Variants in NPAS3 observed in about 807,000 individuals in gnomAD.
NPAS3 encodes neuronal PAS domain protein 3, also known as neuronal PAS domain-containing protein 3.
NPAS3 carries 14 observed loss-of-function variants against 73.1 expected under a neutral mutation model. The observed-to-expected ratio is 0.19, with a 90% CI of 0.13 to 0.30. The LOEUF (loss-of-function observed/expected upper bound fraction) is 0.30. Among genes scored for constraint, NPAS3 ranks in the 10% least tolerant of loss-of-function variants. The probability of loss-of-function intolerance (pLI) is 1.00; values close to 1 mark genes in which losing one functional copy is unlikely to be tolerated. For synonymous variants in NPAS3, 620 were observed against 541.5 expected, an observed-to-expected ratio of 1.14 and a Z score of -2.01; for missense variants, 1,096 against 1,250.0, an observed-to-expected ratio of 0.88 and a Z score of 1.86.
At chr14:33,450,751 C>T (rs2049754591) in intron 4 of NPAS3, among the ~76,000 whole-genome samples, 1 of 152,224 alleles carries the variant, frequency 6.6e-6, no homozygotes, top group East Asian at 1.9e-4. Context: ...ATTTTAATTG[C>T]TGTTGGTTTT....
At chr14:33,167,688 T>G (rs965120218) in intron 2 of NPAS3, among the ~76,000 whole-genome samples, 7 of 152,238 alleles carry the variant, frequency 4.6e-5, no homozygotes, top group Admixed American at 1.3e-4. Context: ...GTGAGCAATA[T>G]GTTAAGAAAC....
At chr14:33,016,991 A>G (rs1341559090) in intron 1 of NPAS3, among the ~76,000 whole-genome samples, 1 of 152,186 alleles carries the variant, frequency 6.6e-6, no homozygotes, top group Admixed American at 6.5e-5. Flanking sequence ...TCAAATTAGA[A>G]AGGGCAGCAC....
intron 3 of NPAS3, among the ~76,000 whole-genome samples, chr14:33,237,399 A>T (rs2048070918): frequency 6.6e-6 from 1 of 152,116 alleles, no homozygotes; most frequent in Non-Finnish European, 1.5e-5. Flanking sequence ...TTCTTGACTG[A>T]ATAATGATGT....
At chr14:33,133,972 A>C (rs1228941658) in intron 2 of NPAS3, among the ~76,000 whole-genome samples, 1 of 152,174 alleles carries the variant, frequency 6.6e-6, no homozygotes, top group East Asian at 1.9e-4. Context: ...CTTCAAATAG[A>C]AAAATTAAAG....
intron 11 of NPAS3, 102 bp from the exon 12 acceptor site, chr14:33,799,632 C>T: frequency 4.1e-6 from 5 of 1,231,130 alleles, no homozygotes; most frequent in East Asian, 2.5e-5. Context: ...CTGCTCCCCG[C>T]CCCAGCCCCT....
At position 33,308,553 on chromosome 14, in the gene NPAS3, C is replaced by CACAT. The variant is rs1555371875; in HGVS notation, c.386-58624_386-58621dup. On this transcript the variant is annotated intron_variant, in intron 3 of 11. Coordinates refer to ENST00000356141, the Ensembl canonical transcript of NPAS3. ...ACATACACACACACACACACACACA[C>CACAT]ACATACATACATTATATATATGTAT... Among the ~76,000 whole-genome samples, 41 of 113,706 alleles carry CACAT rather than the reference C, an allele frequency of 3.6e-4. No individual in the cohort carries two copies. In the East Asian group the frequency reaches 5.3e-3, roughly 15 times the overall value. The allele number at this position is 113,706 out of a possible 152,430, so 74.6% of individuals were successfully genotyped here.
chr14:33,195,709 C>T (rs948080933), intron 2 of NPAS3, among the ~76,000 whole-genome samples: 1 of 152,188 alleles, frequency 6.6e-6, no homozygotes, highest in Non-Finnish European at 1.5e-5. Flanking sequence ...TCTAGGCTTT[C>T]CTTTCAAAGC....
chr14:33,449,135 A>T (rs2049666189), intron 4 of NPAS3, among the ~76,000 whole-genome samples: 3 of 152,314 alleles, frequency 2.0e-5, no homozygotes, highest in South Asian at 4.1e-4. Flanking sequence ...GTCCACCGAA[A>T]AGAGACTGCA....
At chr14:32,975,152 T>G (rs1420157390) in intron 1 of NPAS3, among the ~76,000 whole-genome samples, 1 of 152,232 alleles carries the variant, frequency 6.6e-6, no homozygotes, top group African/African-American at 2.4e-5. Context: ...GATGGATATC[T>G]GAATAGAGAA....
intron 7 of NPAS3, among the ~76,000 whole-genome samples, chr14:33,751,237 C>G (rs1326611922): frequency 6.6e-6 from 1 of 152,128 alleles, no homozygotes; most frequent in African/African-American, 2.4e-5. Flanking sequence ...TATTTTCTAA[C>G]AAGAAGAACT....
At chr14:33,729,457 G>A (rs1260241072) in intron 6 of NPAS3, among the ~76,000 whole-genome samples, 2 of 152,166 alleles carry the variant, frequency 1.3e-5, no homozygotes, top group African/African-American at 4.8e-5. Flanking sequence ...AGTTCCTTCA[G>A]GTTAGCGATC....
chr14:32,985,659 T>C (rs2038066712), intron 1 of NPAS3, among the ~76,000 whole-genome samples: 1 of 151,916 alleles, frequency 6.6e-6, no homozygotes, highest in South Asian at 2.1e-4. Context: ...AACAAACTCA[T>C]AAGAAAAGAT....
chr14:33,400,137 A>G (rs1196315958), intron 4 of NPAS3, among the ~76,000 whole-genome samples: 1 of 152,138 alleles, frequency 6.6e-6, no homozygotes, highest in Non-Finnish European at 1.5e-5. Flanking sequence ...TCATCTTTTA[A>G]CATTGTATAA....
chr14:33,230,945 TG>T (rs2139770987), intron 3 of NPAS3, among the ~76,000 whole-genome samples: 1 of 152,316 alleles, frequency 6.6e-6, no homozygotes, highest in South Asian at 2.1e-4. Context: ...ACCGTGATTG[TG>T]GGAAGTTGCT....
intron 2 of NPAS3, among the ~76,000 whole-genome samples, chr14:33,167,476 CT>C (rs1254532576): frequency 2.0e-5 from 3 of 152,150 alleles, no homozygotes; most frequent in African/African-American, 7.2e-5. Context: ...ACAAATCAAT[CT>C]GCTGAAGACC....
chr14:33,698,685 A>G (rs1304005174), intron 6 of NPAS3, among the ~76,000 whole-genome samples: 1 of 152,226 alleles, frequency 6.6e-6, no homozygotes, highest in Admixed American at 6.5e-5. Context: ...TTCCTCAGAC[A>G]GGTTTCACAA....
intron 2 of NPAS3, among the ~76,000 whole-genome samples, chr14:33,199,478 G>A (rs1323152638): frequency 6.6e-6 from 1 of 152,194 alleles, no homozygotes; most frequent in Non-Finnish European, 1.5e-5. Context: ...ATTATAAAGA[G>A]AGGCTAGACA....
At chr14:32,962,737 A>G (rs1309570824) in intron 1 of NPAS3, among the ~76,000 whole-genome samples, 1 of 150,564 alleles carries the variant, frequency 6.6e-6, no homozygotes, top group Non-Finnish European at 1.5e-5. Context: ...TAATTTTTGT[A>G]TTTTTAGTAG....
chr14:33,482,685 GC>G (rs2051386543), intron 4 of NPAS3, among the ~76,000 whole-genome samples: 1 of 151,840 alleles, frequency 6.6e-6, no homozygotes, highest in Non-Finnish European at 1.5e-5. Context: ...GCCACACCTG[GC>G]AGAAGAGACC....
Sources: gnomAD v4.1 joint callset for allele counts (sites outside exome capture counted in the v4.1 genomes callset) on GRCh38, gnomAD v4.1.1 for gene constraint, MANE v1.5 for transcripts, NCBI Gene and HGNC (gene_info 2026-07-23, HGNC 2026-07-21) for gene names.